VRK2: variants seen among roughly 807,000 people sequenced by gnomAD.
VRK2 encodes the protein serine/threonine-protein kinase VRK2.
A neutral mutation model predicts 57.6 loss-of-function variants in VRK2; 60 were observed. The observed-to-expected ratio is 1.04, with a 90% CI of 0.85 to 1.29. VRK2 has a LOEUF of 1.29. Among genes scored for constraint, VRK2 ranks in the 50% most tolerant of loss-of-function variants. VRK2 has a pLI of 0.00. For synonymous variants in VRK2, 231 were observed against 199.2 expected, an observed-to-expected ratio of 1.16 and a Z score of -1.35; for missense variants, 705 against 588.1, an observed-to-expected ratio of 1.20 and a Z score of -2.06.
At chr2:58,007,179 TA>T in intron 1 of VRK2, among the ~76,000 whole-genome samples, 1 of 151,672 alleles carries the variant, frequency 6.6e-6, no homozygotes, top group South Asian at 2.1e-4. Flanking sequence ...CCTCCAAAAT[TA>T]AATGAACCCA....
At chr2:58,120,484 C>G (rs1677310052) in intron 7 of VRK2, among the ~76,000 whole-genome samples, 1 of 151,968 alleles carries the variant, frequency 6.6e-6, no homozygotes. Context: ...AGCCACCATG[C>G]CTGGCCAGGT....
chr2:58,145,328 GA>G (rs1294974896), intron 11 of VRK2, among the ~76,000 whole-genome samples: 1 of 151,910 alleles, frequency 6.6e-6, no homozygotes, highest in Non-Finnish European at 1.5e-5. Context: ...TCGATGACAT[GA>G]ACTGTTATTC....
chr2:58,117,589 A>T, intron 7 of VRK2, among the ~76,000 whole-genome samples: 1 of 152,112 alleles, frequency 6.6e-6, no homozygotes, highest in East Asian at 1.9e-4. Context: ...GGGCACAGAG[A>T]CTAGGAAGGG....
At chr2:57,950,319 G>A (rs77520334) in intron 1 of VRK2, among the ~76,000 whole-genome samples, 2,764 of 152,280 alleles carry the variant, frequency 0.018, 35 homozygotes, top group Non-Finnish European at 0.028. Context: ...CTCTTGTTAT[G>A]GACTAACACA....
intron 11 of VRK2, among the ~76,000 whole-genome samples, chr2:58,142,360 C>A (rs1052958179): frequency 6.7e-5 from 10 of 150,068 alleles, no homozygotes; most frequent in Admixed American, 6.6e-4. Context: ...TTTTACTAGA[C>A]ATTATAAACT....
At chr2:57,997,213 T>C (rs780763197) in intron 1 of VRK2, among the ~76,000 whole-genome samples, 26 of 152,182 alleles carry the variant, frequency 1.7e-4, no homozygotes, top group Non-Finnish European at 2.9e-4. Flanking sequence ...TCTGGATTTG[T>C]AGAGAAGGAA....
intron 7 of VRK2, among the ~76,000 whole-genome samples, chr2:58,111,258 T>G (rs1434990937): frequency 6.6e-6 from 1 of 152,104 alleles, no homozygotes; most frequent in African/African-American, 2.4e-5. Context: ...ATGACATCCA[T>G]CTTCCCTATC....
upstream of VRK2, among the ~76,000 whole-genome samples, chr2:58,044,207 T>A (rs927429805): frequency 6.6e-6 from 1 of 152,202 alleles, no homozygotes; most frequent in African/African-American, 2.4e-5. Flanking sequence ...GGGCTTTAGA[T>A]TAGTACTTTT....
At chr2:58,058,393 T>C (rs1166936979) in intron 2 of VRK2, 1 of 470,478 alleles carries the variant, frequency 2.1e-6, no homozygotes, top group East Asian at 7.0e-5. Flanking sequence ...TAGTGTGGAG[T>C]AAAGGCAGCT....
At chr2:58,009,953 T>C (rs1673368764) in intron 1 of VRK2, among the ~76,000 whole-genome samples, 1 of 152,130 alleles carries the variant, frequency 6.6e-6, no homozygotes, top group Non-Finnish European at 1.5e-5. Flanking sequence ...CAATACTTAA[T>C]GTCCACTAGG....
intron 1 of VRK2, among the ~76,000 whole-genome samples, chr2:58,022,550 T>C (rs911095632): frequency 6.6e-6 from 1 of 152,184 alleles, no homozygotes; most frequent in African/African-American, 2.4e-5. Flanking sequence ...AATTCTGTGA[T>C]GGTGTCACAA....
At chr2:57,963,096 A>C (rs1372651279) in intron 1 of VRK2, among the ~76,000 whole-genome samples, 3 of 152,340 alleles carry the variant, frequency 2.0e-5, no homozygotes, top group African/African-American at 7.2e-5. Flanking sequence ...CCCAGGCAGC[A>C]CTAGAGGTTT....
intron 2 of VRK2, among the ~76,000 whole-genome samples, chr2:58,069,775 C>G (rs1293274385): frequency 6.6e-6 from 1 of 152,110 alleles, no homozygotes; most frequent in African/African-American, 2.4e-5. Flanking sequence ...CACTCTCCGA[C>G]TTAGGATATT....
At chr2:58,073,482 A>G (rs1312779677) in intron 2 of VRK2, among the ~76,000 whole-genome samples, 1 of 151,810 alleles carries the variant, frequency 6.6e-6, no homozygotes, top group East Asian at 1.9e-4. Context: ...GTATTTTAAC[A>G]TTCTGTTGGT....
At chr2:58,153,031 C>G (rs530035948) in intron 12 of VRK2, among the ~76,000 whole-genome samples, 1 of 151,944 alleles carries the variant, frequency 6.6e-6, no homozygotes. Context: ...TCCATGACCA[C>G]GTAGGAATTG....
At chr2:58,101,073 G>A (rs981581019) in intron 7 of VRK2, among the ~76,000 whole-genome samples, 1 of 151,492 alleles carries the variant, frequency 6.6e-6, no homozygotes, top group African/African-American at 2.4e-5. Flanking sequence ...ATTATTGGAG[G>A]GTAGTGATGG....
At chr2:57,938,741 T>C (rs1348919280) in intron 1 of VRK2, among the ~76,000 whole-genome samples, 1 of 152,116 alleles carries the variant, frequency 6.6e-6, no homozygotes, top group Non-Finnish European at 1.5e-5. Context: ...GCAAAATATA[T>C]CTAGTCAATG....
intron 2 of VRK2, among the ~76,000 whole-genome samples, chr2:58,051,121 A>G (rs1487688827): frequency 1.3e-5 from 2 of 152,210 alleles, no homozygotes; most frequent in Non-Finnish European, 2.9e-5. Context: ...TTGGGATTAC[A>G]GACGTGAGCC....
At chr2:58,012,290 C>G (rs1673438561) in intron 1 of VRK2, among the ~76,000 whole-genome samples, 1 of 152,126 alleles carries the variant, frequency 6.6e-6, no homozygotes, top group South Asian at 2.1e-4. Context: ...CTTTACTTTC[C>G]TAATAAACTT....
Sources: allele counts gnomAD v4.1 joint callset (sites outside exome capture counted in the v4.1 genomes callset), GRCh38; gene constraint gnomAD v4.1.1; transcripts MANE v1.5; gene names NCBI Gene and HGNC (gene_info 2026-07-23, HGNC 2026-07-21).